The following GPR176 variants were observed in gnomAD, a reference collection of about 807,000 sequenced individuals.
GPR176 encodes the protein G-protein coupled receptor 176.
A neutral mutation model predicts 35.4 loss-of-function variants in GPR176; 26 were observed. That is an observed-to-expected ratio of 0.74 (90% confidence interval 0.54 to 1.02). The LOEUF is 1.02. GPR176 is among the 50% of genes least tolerant of loss of function. The pLI is 0.00. For missense variants in GPR176, 597 were observed against 665.3 expected, an observed-to-expected ratio of 0.90 and a Z score of 1.13; for synonymous variants, 278 against 271.3, an observed-to-expected ratio of 1.02 and a Z score of -0.24.
At chr15:39,835,390 TAAAAAAC>T (rs1901335829) in intron 1 of GPR176, among the ~76,000 whole-genome samples, 1 of 152,006 alleles carries the variant, frequency 6.6e-6, no homozygotes, top group Admixed American at 6.6e-5. Flanking sequence ...AAAATTTTAT[TAAAAAAC>T]AAAAAGCAAA....
At chr15:39,884,806 C>T (rs1418893580) in intron 1 of GPR176, among the ~76,000 whole-genome samples, 1 of 152,150 alleles carries the variant, frequency 6.6e-6, no homozygotes, top group Non-Finnish European at 1.5e-5. Flanking sequence ...ACTCACAACC[C>T]GCTGGTCAGA....
chr15:39,868,706 C>T (rs2031925577), intron 1 of GPR176, among the ~76,000 whole-genome samples: 1 of 151,982 alleles, frequency 6.6e-6, no homozygotes. Flanking sequence ...TAACATTAGC[C>T]CATTAACCCA....
intron 1 of GPR176, among the ~76,000 whole-genome samples, chr15:39,823,264 C>T (rs1566941212): frequency 6.6e-6 from 1 of 152,134 alleles, no homozygotes; most frequent in Non-Finnish European, 1.5e-5. Context: ...TCCATATGCC[C>T]ACTTGACTTC....
chr15:39,905,625 T>TA lies in GPR176; in HGVS notation c.172+14229dup, dbSNP rs1353392820. Among the ~76,000 whole-genome samples the TA allele has an allele frequency of 2.0e-5, 3 of 151,890 alleles. No homozygotes were observed. In the East Asian group the frequency reaches 5.8e-4, roughly 29 times the overall value. On this transcript the variant is annotated intron_variant, in intron 1 of 2. Transcript: ENST00000561100. ...TAAAGTCATATAAATGGAATTGAAA[T>TA]AAAAAGGAACAAACTGTTGACAAAC... is the stretch of plus-strand genomic sequence containing the variant.
intron 1 of GPR176, chr15:39,909,876 T>C (rs1316425799): frequency 2.1e-6 from 2 of 973,330 alleles, no homozygotes; most frequent in East Asian, 1.1e-4. Context: ...AATTACCTGT[T>C]GTATATTTCA....
At position 39,806,052 on chromosome 15, in the gene GPR176, T is replaced by G. The variant is rs73397155; in HGVS notation, c.425+954A>C. On this transcript the variant is annotated intron_variant, in intron 2 of 2. Coordinates refer to ENST00000561100, the MANE Select transcript of GPR176 (RefSeq NM_007223.3). ...GCTGAAGAAATCAGGGTCCCTGGCC[T>G]GAGAGGCTGAAATGACTCTATAGAT... 9.8e-3 allele frequency among the ~76,000 whole-genome samples: 1,491 copies of G among 152,314 alleles called. 20 individuals carry two copies. The highest frequency in any genetic ancestry group is 0.034 in the African/African-American group (1,400 of 41,568).
intron 1 of GPR176, among the ~76,000 whole-genome samples, chr15:39,881,774 A>C (rs557720491): frequency 3.3e-5 from 5 of 152,350 alleles, no homozygotes; most frequent in Non-Finnish European, 7.3e-5. Flanking sequence ...ATAGCAACAA[A>C]AATCCTAGAC....
In GPR176 at chr15:39,801,570, C is replaced by T; in HGVS notation, c.1110G>A (p.Leu370=). ...GCTGCTGCCCAATGTGGAACATCTC[C>T]AGGAGCTGGCTACCCGAGCGTATGC... ...EPSIRSGSQL[L]EMFHIGQQQI... The change falls in exon 3 of 3, where the codon CTG becomes CTA. Residue 370 remains leucine, a synonymous_variant. Coordinates refer to ENST00000561100, the MANE Select transcript of GPR176 (RefSeq NM_007223.3). The T allele has an allele frequency of 6.2e-7, 1 of 1,614,160 alleles. No individual in the cohort carries two copies. Among genetic ancestry groups the T allele is most frequent in the Non-Finnish European group, 8.5e-7 (1 of 1,179,980 alleles).
At position 39,807,107 on chromosome 15, in the gene GPR176, G is replaced by A; in HGVS notation, c.324C>T (p.Cys108=). ...DIILSTSPHC[C]WWIYTMLFCK... The stretch of plus-strand genomic sequence containing the variant: ...AGAAGAGCATGGTGTAGATCCACCA[G>A]CAACAGTGAGGACTGGTGCTGAGGA... The change falls in exon 2 of 3, where the codon TGC becomes TGT. Residue 108 remains cysteine (C), a synonymous_variant. Coordinates refer to ENST00000561100, the MANE Select transcript of GPR176 (RefSeq NM_007223.3). 1 of 1,609,556 alleles carries A rather than the reference G, an allele frequency of 6.2e-7. No homozygotes were observed. Among genetic ancestry groups the A allele is most frequent in the African/African-American group, 1.3e-5 (1 of 74,082 alleles).
chr15:39,912,399 T>C (rs906723465), intron 1 of GPR176, among the ~76,000 whole-genome samples: 1 of 151,886 alleles, frequency 6.6e-6, no homozygotes. Flanking sequence ...GGTGGATCAC[T>C]TGAGCCCAGG....
chr15:39,807,144 G>A lies in GPR176; in HGVS notation c.287C>T (p.Pro96Leu). Reference sequence around the variant, plus strand: ...ACTGGTGCTGAGGATGATGTCGAAGGGCACACAGACCAGGCTGGCACAAAT... The same window carrying A: ...ACTGGTGCTGAGGATGATGTCGAAGAGCACACAGACCAGGCTGGCACAAAT... ...SGICASLVCVPFDIILSTSPH... is the reference protein window; with the variant it reads ...SGICASLVCVLFDIILSTSPH... The change falls in exon 2 of 3, where the codon CCC becomes CTC. Residue 96 changes from proline to leucine, a missense_variant. Pro to Leu is a moderately conservative substitution (Grantham distance 98). This residue lies in a region of GPR176 where 220 missense variants were observed against 297.6 expected (regional missense o/e 0.74). Coordinates refer to ENST00000561100, the MANE Select transcript of GPR176 (RefSeq NM_007223.3). The A allele has an allele frequency of 6.2e-7, 1 of 1,613,834 alleles. No homozygotes were observed. Among genetic ancestry groups the A allele is most frequent in the Non-Finnish European group, 8.5e-7 (1 of 1,179,904 alleles).
chr15:39,817,068 C>CTCAAAAAAAAAA (rs1899958220), intron 1 of GPR176, among the ~76,000 whole-genome samples: 1 of 77,294 alleles, frequency 1.3e-5, no homozygotes, highest in African/African-American at 5.8e-5. Context: ...GATTCTGTCT[C>CTCAAAAAAAAAA]AAAAAAAAAA....
At chr15:39,877,093 A>C (rs62002525) in intron 1 of GPR176, among the ~76,000 whole-genome samples, 35,811 of 152,142 alleles carry the variant, frequency 0.24, 5,297 homozygotes, top group Non-Finnish European at 0.34. Flanking sequence ...TCTCATAAGA[A>C]AACCCAATTA....
At chr15:39,851,550 T>C (rs193028260) in intron 1 of GPR176, among the ~76,000 whole-genome samples, 4 of 152,288 alleles carry the variant, frequency 2.6e-5, no homozygotes, top group Admixed American at 2.6e-4. Context: ...AGAAAACTTA[T>C]TTGCCCTGAG....
chr15:39,831,161 T>C (rs971108017), intron 1 of GPR176, among the ~76,000 whole-genome samples: 1 of 152,108 alleles, frequency 6.6e-6, no homozygotes, highest in Non-Finnish European at 1.5e-5. Flanking sequence ...AAATTTGGAG[T>C]TGCCTTGGTT....
chr15:39,807,114 T>G lies in GPR176; in HGVS notation c.317A>C (p.His106Pro). ...PFDIILSTSP[H>P]CCWWIYTMLF... ...CATGGTGTAGATCCACCAGCAACAG[T>G]GAGGACTGGTGCTGAGGATGATGTC... is the stretch of plus-strand genomic sequence containing the variant. Residue 106 changes from histidine (H) to proline (P), a missense_variant, in exon 2 of 3, where the codon CAC becomes CCC. Physicochemically the swap from His to Pro is moderately conservative, Grantham distance 77. Transcript: ENST00000561100. 1 of 1,569,054 alleles carries G rather than the reference T, an allele frequency of 6.4e-7. No individual in the cohort carries two copies. The highest frequency in any genetic ancestry group is 8.6e-7 in the Non-Finnish European group (1 of 1,157,620).
At chr15:39,852,545 T>C (rs2030944222) in intron 1 of GPR176, among the ~76,000 whole-genome samples, 1 of 152,204 alleles carries the variant, frequency 6.6e-6, no homozygotes. Flanking sequence ...CTCAGGCAGT[T>C]AAAATATGAT....
Position 39,807,019 on chromosome 15 carries a change from T to C in GPR176, c.412A>G (p.Ile138Val), listed in dbSNP as rs751822201. 2.5e-5 allele frequency: 40 copies of C among 1,612,788 alleles called. No homozygotes were observed. Among genetic ancestry groups the C allele is most frequent in the Non-Finnish European group, 3.2e-5 (38 of 1,179,464 alleles). The change falls in exon 2 of 3, where the codon ATT becomes GTT. Residue 138 changes from isoleucine to valine, a missense_variant. Physicochemically the swap from Ile to Val is conservative, Grantham distance 29. Around this residue, in one of 3 missense-constraint regions of GPR176, gnomAD observed 220 missense variants for 297.6 expected, o/e 0.74. Transcript: ENST00000561100. ...CSVTILSFPA[I>V]ALDRYYSVLY... ...ACCTGATCTTACCTGTCCAAAGCAA[T>C]AGCAGGGAAGCTGAGGATGGTCACA...
intron 1 of GPR176, among the ~76,000 whole-genome samples, chr15:39,882,940 C>T (rs2032533760): frequency 6.6e-6 from 1 of 152,158 alleles, no homozygotes. Context: ...CAAATGTCGG[C>T]AATGCAGTTA....
Sources: gnomAD v4.1 joint callset for allele counts (sites outside exome capture counted in the v4.1 genomes callset) on GRCh38, gnomAD v4.1.1 for gene constraint, gnomAD v4.1.1 regional missense constraint, MANE v1.5 for transcripts, NCBI Gene and HGNC (gene_info 2026-07-23, HGNC 2026-07-21) for gene names.